HYCC2: variants seen among roughly 807,000 people sequenced by gnomAD.
The protein encoded by HYCC2 is hyccin 2.
chr2:201,017,294 TTTTAA>T, the HYCC2 span: 1 of 742,726 alleles, frequency 1.3e-6, no homozygotes, highest in South Asian at 2.6e-5. Context: ...TTTCTCCACA[TTTTAA>T]TTTAACCAAA....
chr2:201,002,438 C>T, the HYCC2 span, among the ~76,000 whole-genome samples: 2 of 152,018 alleles, frequency 1.3e-5, no homozygotes, highest in Non-Finnish European at 1.5e-5. Flanking sequence ...GGAGGAAAAA[C>T]TCTCAAACTA....
At chr2:201,035,736 T>C in the HYCC2 span, among the ~76,000 whole-genome samples, 1 of 152,214 alleles carries the variant, frequency 6.6e-6, no homozygotes, top group Non-Finnish European at 1.5e-5. Context: ...TGTGGTTTTA[T>C]CTACCTTTGG....
At chr2:200,985,684 A>G in the HYCC2 span, among the ~76,000 whole-genome samples, 1 of 152,072 alleles carries the variant, frequency 6.6e-6, no homozygotes, top group South Asian at 2.1e-4. Flanking sequence ...AAATAAAACT[A>G]CAAATAATCT....
At chr2:201,004,376 G>T in the HYCC2 span, among the ~76,000 whole-genome samples, 2 of 152,236 alleles carry the variant, frequency 1.3e-5, no homozygotes, top group East Asian at 3.8e-4. Flanking sequence ...TTGGGTCCAT[G>T]AAATGAGTGG....
At chr2:200,975,481 C>A in the HYCC2 span, 1 of 151,996 alleles carries the variant, frequency 6.6e-6, no homozygotes, top group Non-Finnish European at 1.5e-5. Flanking sequence ...GCCCTACTTC[C>A]AGATACACAT....
chr2:201,025,374 C>A, the HYCC2 span, among the ~76,000 whole-genome samples: 6 of 151,760 alleles, frequency 4.0e-5, no homozygotes, highest in East Asian at 1.2e-3. Flanking sequence ...CAGATGTACA[C>A]CCACTTTAAT....
At chr2:201,068,941 C>T in the HYCC2 span, among the ~76,000 whole-genome samples, 1 of 152,046 alleles carries the variant, frequency 6.6e-6, no homozygotes, top group Non-Finnish European at 1.5e-5. Flanking sequence ...TAATAAGCCA[C>T]AGACGATGAC....
the HYCC2 span, among the ~76,000 whole-genome samples, chr2:201,067,894 G>T: frequency 1.3e-5 from 2 of 152,276 alleles, no homozygotes; most frequent in African/African-American, 4.8e-5. Context: ...TTGATTTATG[G>T]AAAGCAGCTA....
At chr2:201,065,733 G>GA in the HYCC2 span, among the ~76,000 whole-genome samples, 1 of 152,164 alleles carries the variant, frequency 6.6e-6, no homozygotes, top group Non-Finnish European at 1.5e-5. Flanking sequence ...TGACAAAAGG[G>GA]AAAACATGAA....
chr2:201,009,579 A>G, the HYCC2 span: 1 of 153,112 alleles, frequency 6.5e-6, no homozygotes, highest in African/African-American at 2.4e-5. Flanking sequence ...TGTGCCTCAG[A>G]CACCTGAGTA....
chr2:200,975,293 A>G, the HYCC2 span: 146 of 152,136 alleles, frequency 9.6e-4, 2 homozygotes, highest in East Asian at 0.019. Flanking sequence ...TATTTGGTAG[A>G]TACATTTTCT....
At chr2:201,004,767 C>T in the HYCC2 span, among the ~76,000 whole-genome samples, 1 of 152,178 alleles carries the variant, frequency 6.6e-6, no homozygotes, top group South Asian at 2.1e-4. Flanking sequence ...TGTAATCCCT[C>T]GGCACTTTGG....
chr2:201,023,304 G>T, the HYCC2 span, among the ~76,000 whole-genome samples: 2 of 151,688 alleles, frequency 1.3e-5, no homozygotes, highest in African/African-American at 4.8e-5. Context: ...AGCCGAGATC[G>T]TGCCACTGCA....
At chr2:201,012,329 C>T in the HYCC2 span, among the ~76,000 whole-genome samples, 2 of 152,016 alleles carry the variant, frequency 1.3e-5, no homozygotes, top group Admixed American at 6.6e-5. Context: ...GGCATGGTAT[C>T]GCAGGCCTGT....
chr2:200,995,005 C>CAAA, the HYCC2 span, among the ~76,000 whole-genome samples: 9 of 92,440 alleles, frequency 9.7e-5, no homozygotes, highest in South Asian at 3.0e-3. Flanking sequence ...AAGACTCTCT[C>CAAA]AAAAAAAAAA....
At chr2:201,051,736 C>T in the HYCC2 span, among the ~76,000 whole-genome samples, 1 of 152,154 alleles carries the variant, frequency 6.6e-6, no homozygotes, top group Non-Finnish European at 1.5e-5. Context: ...ATAAAGATGT[C>T]AGTTCTCCCT....
At chr2:201,068,241 C>T in the HYCC2 span, among the ~76,000 whole-genome samples, 3 of 151,720 alleles carry the variant, frequency 2.0e-5, no homozygotes, top group Non-Finnish European at 2.9e-5. Context: ...GAGCCCAGAT[C>T]GCGCCACTGC....
the HYCC2 span, among the ~76,000 whole-genome samples, chr2:201,036,558 G>A: frequency 6.6e-6 from 1 of 152,144 alleles, no homozygotes; most frequent in African/African-American, 2.4e-5. Context: ...TGATCAAGTG[G>A]GCTTCATCCC....
chr2:201,023,858 T>C, the HYCC2 span: 1 of 842,838 alleles, frequency 1.2e-6, no homozygotes, highest in Admixed American at 2.4e-5. Context: ...TTTTTATGTT[T>C]CTCCATAGAG....
Sources: gnomAD v4.1 joint callset for allele counts (sites outside exome capture counted in the v4.1 genomes callset) on GRCh38, gnomAD v4.1.1 for gene constraint, MANE v1.5 for transcripts, NCBI Gene and HGNC (gene_info 2026-07-23, HGNC 2026-07-21) for gene names.